The following AACS variants were observed in gnomAD, a reference collection of about 807,000 sequenced individuals.
AACS encodes acetoacetate-CoA ligase.
Under a neutral mutation model 83.1 loss-of-function variants are expected in AACS, and 69 were observed. The observed-to-expected ratio is 0.83, with a 90% CI of 0.68 to 1.01. The LOEUF is 1.01. Ranked by LOEUF, AACS falls within the 50% of genes least tolerant of loss-of-function variation. The pLI is 0.00. For missense variants in AACS, 866 were observed against 882.2 expected (o/e 0.98, Z 0.23); for synonymous variants, 333 against 343.4 (o/e 0.97, Z 0.33).
intron 3 of AACS, chr12:125,077,965 C>T (rs1474577616): frequency 2.7e-5 from 10 of 365,048 alleles, no homozygotes; most frequent in Non-Finnish European, 5.4e-5. Context: ...CCGCCTCGGC[C>T]TCCTAAAGTG....
At chr12:125,114,787 C>T (rs1481649526) in intron 9 of AACS, among the ~76,000 whole-genome samples, 2 of 151,394 alleles carry the variant, frequency 1.3e-5, no homozygotes, top group Non-Finnish European at 3.0e-5. Flanking sequence ...ATGTTAAGGG[C>T]TTCCCCAGGC....
At chr12:125,088,729 T>C (rs73231650) in intron 4 of AACS, among the ~76,000 whole-genome samples, 13,430 of 152,242 alleles carry the variant, frequency 0.088, 664 homozygotes, top group East Asian at 0.18. Flanking sequence ...ACAGGTTATA[T>C]TGGGGACAGC....
chr12:125,085,555 C>G (rs763000117), intron 3 of AACS, among the ~76,000 whole-genome samples: 1 of 149,316 alleles, frequency 6.7e-6, no homozygotes, highest in East Asian at 2.0e-4. Flanking sequence ...ATCTGTTTCA[C>G]GGAATCACGC....
intron 4 of AACS, among the ~76,000 whole-genome samples, chr12:125,088,305 C>G (rs1956386955): frequency 6.6e-6 from 1 of 150,446 alleles, no homozygotes; most frequent in African/African-American, 2.4e-5. Context: ...GATCATGGCT[C>G]AACTGCAGCC....
At chr12:125,103,129 C>A in intron 7 of AACS, 48 bp downstream of exon 7, 1 of 1,529,470 alleles carries the variant, frequency 6.5e-7, no homozygotes. Context: ...CCCACTGGAG[C>A]TCCTGCGGGG....
intron 17 of AACS, 42 bp downstream of exon 17, chr12:125,136,906 C>G: frequency 6.3e-7 from 1 of 1,595,024 alleles, no homozygotes; most frequent in Non-Finnish European, 8.5e-7. Context: ...CAGCCATCGC[C>G]CCACGAGCCC....
intron 1 of AACS, among the ~76,000 whole-genome samples, chr12:125,066,860 G>A (rs1594559113): frequency 6.6e-6 from 1 of 152,188 alleles, no homozygotes; most frequent in Middle Eastern, 3.4e-3. Flanking sequence ...CACAGGGATG[G>A]ACACCCCAGT....
chr12:125,124,655 G>T (rs1238971741), intron 10 of AACS, 50 bp from the exon 11 acceptor site: 9 of 1,604,480 alleles, frequency 5.6e-6, no homozygotes, highest in Non-Finnish European at 7.7e-6. Context: ...AAGCTTTGGT[G>T]CAAGAGCCTT....
chr12:125,108,316 C>T (rs920115807), intron 8 of AACS, among the ~76,000 whole-genome samples: 3 of 152,200 alleles, frequency 2.0e-5, no homozygotes, highest in African/African-American at 4.8e-5. Context: ...TGTGGACGGC[C>T]GCCTTCTTGC....
Position 125,097,512 on chromosome 12 carries a change from C to A in AACS, c.571-5167C>A, listed in dbSNP as rs1362944603. Among the ~76,000 whole-genome samples the A allele has an allele frequency of 6.6e-6, 1 of 151,940 alleles. No individual in the cohort carries two copies. Among genetic ancestry groups the A allele is most frequent in the Non-Finnish European group, 1.5e-5 (1 of 67,996 alleles). On this transcript the variant is annotated intron_variant, in intron 5 of 17. Transcript: ENST00000316519. The surrounding 1 kb of genome is among the most constrained non-coding windows in gnomAD (Gnocchi z 4.3). ...ATGTCACAGTCATTCCCTTGTCCCC[C>A]ACCCGCCCGCCGTGAACTTTGCTGA... is the stretch of plus-strand genomic sequence containing the variant.
intron 5 of AACS, among the ~76,000 whole-genome samples, chr12:125,098,714 G>A (rs12371384): frequency 0.46 from 69,837 of 152,162 alleles, 16,530 homozygotes; most frequent in East Asian, 0.65. Context: ...TGGCCTCCCG[G>A]TGTTGGGTGT....
chr12:125,136,337 A>T (rs552752338), intron 16 of AACS: 6 of 320,710 alleles, frequency 1.9e-5, no homozygotes, highest in Non-Finnish European at 3.0e-5. Context: ...GGCGTGAGCC[A>T]CCATGCCCGG....
intron 7 of AACS, 75 bp downstream of exon 7, chr12:125,103,156 C>T: frequency 1.5e-6 from 2 of 1,316,602 alleles, no homozygotes; most frequent in Non-Finnish European, 2.1e-6. Flanking sequence ...GCCTCTGGAT[C>T]TTCTACTTGG....
intron 3 of AACS, 151 bp from the exon 4 acceptor site, chr12:125,086,179 C>T (rs1168664566): frequency 1.2e-5 from 8 of 641,642 alleles, no homozygotes; most frequent in East Asian, 2.7e-5. Flanking sequence ...TTAAGTTGAC[C>T]TGTATCTTGC....
intron 5 of AACS, chr12:125,101,240 C>A (rs1214499372): frequency 1.3e-5 from 2 of 152,204 alleles, no homozygotes; most frequent in Non-Finnish European, 2.9e-5. Context: ...AATTAATAAT[C>A]TGGACTAACA....
intron 1 of AACS, among the ~76,000 whole-genome samples, chr12:125,066,994 C>T (rs1955719539): frequency 6.6e-6 from 1 of 152,200 alleles, no homozygotes; most frequent in South Asian, 2.1e-4. Flanking sequence ...GGTTTTCCTG[C>T]TTCCTGCTTT....
rs73421875 is a variant in AACS, at chr12:125,079,018, A to G, written c.358+2407A>G. On this transcript the variant is annotated intron_variant, in intron 3 of 17. Coordinates refer to ENST00000316519, the MANE Select transcript of AACS (RefSeq NM_023928.5). ...TAGGGCTGTTTTAGACAGGGCTGCC[A>G]GGGAAAGCCTGTTTGGAGGAGTCTA... 3.9e-3 allele frequency among the ~76,000 whole-genome samples: 588 copies of G among 152,188 alleles called. 7 individuals carry two copies. Among genetic ancestry groups the G allele is most frequent in the African/African-American group, 0.014 (571 of 41,506 alleles).
At chr12:125,087,516 G>A (rs1430685742) in intron 4 of AACS, among the ~76,000 whole-genome samples, 1 of 152,226 alleles carries the variant, frequency 6.6e-6, no homozygotes, top group Non-Finnish European at 1.5e-5. Flanking sequence ...TTCCAGTGCA[G>A]CCCTGGTGGT....
In AACS at chr12:125,094,465, C is replaced by T. The variant is rs1045871965; in HGVS notation, c.570+2942C>T. On this transcript the variant is annotated intron_variant, in intron 5 of 17. Coordinates refer to ENST00000316519, the MANE Select transcript of AACS (RefSeq NM_023928.5). The surrounding 1 kb of genome is among the most constrained non-coding windows in gnomAD (Gnocchi z 4.1). ...GCACCGTTGGACTCGTGGGTTCACA[C>T]GCCTGTCCACTGAGAGCTCCTCGGC... 6.6e-6 allele frequency among the ~76,000 whole-genome samples: 1 copy of T among 152,212 alleles called. No individual in the cohort carries two copies. Among genetic ancestry groups the T allele is most frequent in the African/African-American group, 2.4e-5 (1 of 41,444 alleles).
Sources: gnomAD v4.1 joint callset for allele counts (sites outside exome capture counted in the v4.1 genomes callset) on GRCh38, gnomAD v4.1.1 for gene constraint, Gnocchi (gnomAD v3.1) non-coding constraint, MANE v1.5 for transcripts, NCBI Gene and HGNC (gene_info 2026-07-23, HGNC 2026-07-21) for gene names.